The following ASPH variants were observed in gnomAD, a reference collection of about 807,000 sequenced individuals.
ASPH encodes aspartate beta-hydroxylase.
ASPH carries 100 observed loss-of-function variants against 118.4 expected under a neutral mutation model. The observed-to-expected ratio is 0.84, with a 90% CI of 0.72 to 1.00. The LOEUF (loss-of-function observed/expected upper bound fraction) is 1.00, where lower values mean the gene tolerates loss of function less well. Among genes scored for constraint, ASPH ranks in the 50% least tolerant of loss-of-function variants. The pLI is 0.00. For synonymous variants in ASPH, 315 were observed against 325.6 expected (o/e 0.97, Z 0.35); for missense variants, 920 against 919.5 (o/e 1.00, Z -0.01).
At chr8:61,702,698 A>ATGTC (rs1160475514) in intron 1 of ASPH, among the ~76,000 whole-genome samples, 1 of 152,230 alleles carries the variant, frequency 6.6e-6, no homozygotes, top group Non-Finnish European at 1.5e-5. Flanking sequence ...AGGAAAGAAA[A>ATGTC]TGTCGGGTCA....
intron 15 of ASPH, 48 bp from the exon 16 acceptor site, chr8:61,576,906 A>C (rs1163464060): frequency 6.9e-7 from 1 of 1,444,706 alleles, no homozygotes. Flanking sequence ...AAAATGAATA[A>C]TCAATCAATA....
chr8:61,618,033 C>G (rs1391082514), intron 14 of ASPH, among the ~76,000 whole-genome samples: 1 of 151,794 alleles, frequency 6.6e-6, no homozygotes. Flanking sequence ...AGGACTGCTG[C>G]TATTCATTAT....
At position 61,675,637 on chromosome 8, in the gene ASPH, A is replaced by G. The variant is rs180865064; in HGVS notation, c.322+5331T>C. On this transcript the variant is annotated intron_variant, in intron 3 of 24. Coordinates refer to ENST00000379454, the MANE Select transcript of ASPH (RefSeq NM_004318.4). ...ATGTTAAAGAACAGAGAAGCATTTA[A>G]CTTAAAAATCATGCCAGAAATATTT... 1.7e-5 allele frequency: 17 copies of G among 980,382 alleles called. No individual in the cohort carries two copies. In the African/African-American group the frequency reaches 2.3e-4, roughly 13 times the overall value. The allele number at this position is 980,382 out of a possible 1,614,324, so 60.7% of individuals were successfully genotyped here.
chr8:61,559,943 G>T (rs754386969), intron 18 of ASPH, among the ~76,000 whole-genome samples: 16 of 1,644 alleles, frequency 9.7e-3, no homozygotes, highest in East Asian at 0.091. Context: ...GTGAGGGTTG[G>T]GGGGGGGAGC....
intron 12 of ASPH, among the ~76,000 whole-genome samples, chr8:61,635,141 T>G (rs143517418): frequency 7.2e-4 from 109 of 152,276 alleles, no homozygotes; most frequent in African/African-American, 2.5e-3. Flanking sequence ...AATCTCTACG[T>G]GGCCAAATGC....
At chr8:61,695,747 T>G (rs1222258254) in intron 1 of ASPH, among the ~76,000 whole-genome samples, 1 of 152,232 alleles carries the variant, frequency 6.6e-6, no homozygotes, top group Admixed American at 6.5e-5. Context: ...ACACTTCCCT[T>G]GGATCTATCT....
chr8:61,526,776 C>T (rs535871977), intron 21 of ASPH, among the ~76,000 whole-genome samples: 80 of 152,082 alleles, frequency 5.3e-4, no homozygotes, highest in African/African-American at 1.5e-3. Context: ...GGGCAGGTGA[C>T]GGTAGATCCT....
intron 4 of ASPH, 82 bp from the exon 5 acceptor site, chr8:61,651,206 C>A: frequency 2.8e-6 from 3 of 1,054,896 alleles, no homozygotes; most frequent in Non-Finnish European, 2.9e-6. Context: ...GACATTGGTA[C>A]ATACACATTA....
chr8:61,653,451 T>A, intron 4 of ASPH, 117 bp downstream of exon 4: 1 of 912,808 alleles, frequency 1.1e-6, no homozygotes, highest in African/African-American at 1.7e-5. Context: ...AAAAAAGTAG[T>A]TAATTATTCT....
chr8:61,514,054 G>A (rs1475136387), intron 24 of ASPH, among the ~76,000 whole-genome samples: 1 of 151,706 alleles, frequency 6.6e-6, no homozygotes, highest in Non-Finnish European at 1.5e-5. Context: ...CAGTGGCGCA[G>A]TCATGGCTCA....
chr8:61,558,015 A>G (rs570426015), intron 18 of ASPH, among the ~76,000 whole-genome samples: 1 of 152,376 alleles, frequency 6.6e-6, no homozygotes, highest in African/African-American at 2.4e-5. Flanking sequence ...TTTACTAGAC[A>G]TCTTAGAACA....
At chr8:61,637,598 C>T (rs767771652) in intron 12 of ASPH, among the ~76,000 whole-genome samples, 8 of 152,114 alleles carry the variant, frequency 5.3e-5, no homozygotes, top group Non-Finnish European at 1.0e-4. Flanking sequence ...ATCTTTCAAC[C>T]CGTCTCTGCC....
chr8:61,501,134 A>AAT lies in ASPH; in HGVS notation c.*2223_*2224dup, dbSNP rs1434523638. 1 of 152,158 alleles carries AAT rather than the reference A, an allele frequency of 6.6e-6. No homozygotes were observed. The highest frequency in any genetic ancestry group is 1.5e-5 in the Non-Finnish European group (1 of 68,018). The allele number at this position is 152,158 out of a possible 1,614,324, so 9.4% of individuals were successfully genotyped here. Reference sequence around the variant, plus strand: ...TTGTGTAGACATACGAAATCACAAAAATAATAACACTGAAATAATTCTACC... The same window carrying AAT: ...TTGTGTAGACATACGAAATCACAAAAATATAATAACACTGAAATAATTCTACC... On this transcript the variant is annotated 3_prime_UTR_variant, in exon 25 of 25. Coordinates refer to ENST00000379454, the MANE Select transcript of ASPH (RefSeq NM_004318.4).
intron 21 of ASPH, among the ~76,000 whole-genome samples, chr8:61,527,093 A>G (rs1322502748): frequency 6.6e-6 from 1 of 152,246 alleles, no homozygotes; most frequent in Non-Finnish European, 1.5e-5. Flanking sequence ...GCTGATTTCA[A>G]CAAGAATCAG....
intron 14 of ASPH, among the ~76,000 whole-genome samples, chr8:61,593,559 C>T (rs1472861347): frequency 6.6e-6 from 1 of 152,212 alleles, no homozygotes; most frequent in Non-Finnish European, 1.5e-5. Context: ...TTTTCATCTG[C>T]TCCCTCTACT....
At chr8:61,634,174 G>A (rs1455399241) in intron 12 of ASPH, among the ~76,000 whole-genome samples, 1 of 152,158 alleles carries the variant, frequency 6.6e-6, no homozygotes, top group Non-Finnish European at 1.5e-5. Flanking sequence ...CAAAGATATG[G>A]ATGTGAATGT....
At chr8:61,600,272 C>A (rs1843599160) in intron 14 of ASPH, among the ~76,000 whole-genome samples, 1 of 152,160 alleles carries the variant, frequency 6.6e-6, no homozygotes, top group Non-Finnish European at 1.5e-5. Flanking sequence ...CAGCTAACAT[C>A]ACAGTGAGTG....
chr8:61,677,463 C>A (rs1464007709), intron 3 of ASPH, among the ~76,000 whole-genome samples: 1 of 152,224 alleles, frequency 6.6e-6, no homozygotes, highest in East Asian at 1.9e-4. Context: ...TGGCAACACA[C>A]AATGTCTCCA....
intron 1 of ASPH, among the ~76,000 whole-genome samples, chr8:61,698,095 C>A (rs1026759196): frequency 3.9e-5 from 6 of 152,186 alleles, no homozygotes; most frequent in Non-Finnish European, 8.8e-5. Flanking sequence ...AGCCACCACA[C>A]CTGGCTGACA....
Sources: allele counts gnomAD v4.1 joint callset (sites outside exome capture counted in the v4.1 genomes callset), GRCh38; gene constraint gnomAD v4.1.1; transcripts MANE v1.5; gene names NCBI Gene and HGNC (gene_info 2026-07-23, HGNC 2026-07-21).